The following CELF2 variants were observed in gnomAD, a reference collection of about 807,000 sequenced individuals.
The protein encoded by CELF2 is CUG triplet repeat RNA-binding protein 2.
CELF2 carries 8 observed loss-of-function variants against 62.6 expected under a neutral mutation model. That is an observed-to-expected ratio of 0.13 (90% CI 0.07 to 0.23). The LOEUF is 0.23. Among genes scored for constraint, CELF2 ranks in the 10% least tolerant of loss-of-function variants. The pLI is 1.00. For missense variants in CELF2, 333 were observed against 671.0 expected, an observed-to-expected ratio of 0.50 and a Z score of 5.56; for synonymous variants, 258 against 250.0, an observed-to-expected ratio of 1.03 and a Z score of -0.30.
upstream of CELF2, among the ~76,000 whole-genome samples, chr10:11,000,473 A>C (rs1249547202): frequency 6.6e-6 from 1 of 152,166 alleles, no homozygotes; most frequent in African/African-American, 2.4e-5. Flanking sequence ...GGGCTTTACA[A>C]TTAGTCTTGC....
chr10:10,902,981 G>A (rs1029930914), intron 1 of CELF2, among the ~76,000 whole-genome samples: 8 of 151,686 alleles, frequency 5.3e-5, no homozygotes, highest in Non-Finnish European at 1.2e-4. Flanking sequence ...AAGAAGGGAG[G>A]AAGAAAGGAG....
chr10:11,322,014 G>A (rs2095468293), intron 11 of CELF2, among the ~76,000 whole-genome samples: 4 of 152,156 alleles, frequency 2.6e-5, no homozygotes, highest in Admixed American at 2.6e-4. Flanking sequence ...CTACTTCATA[G>A]CTGCTGACTG....
At chr10:11,047,050 G>T (rs1271250469) in intron 1 of CELF2, among the ~76,000 whole-genome samples, 1 of 152,046 alleles carries the variant, frequency 6.6e-6, no homozygotes, top group Admixed American at 6.6e-5. Flanking sequence ...GGGCGGGGGA[G>T]GTTGTTTTGC....
the CELF2 span, among the ~76,000 whole-genome samples, chr10:10,677,878 T>G: frequency 6.6e-6 from 1 of 152,166 alleles, no homozygotes; most frequent in Non-Finnish European, 1.5e-5. Flanking sequence ...GCCTGATTAT[T>G]TAGGACTATA....
At chr10:11,202,670 G>T (rs2059471894) in intron 2 of CELF2, among the ~76,000 whole-genome samples, 1 of 152,190 alleles carries the variant, frequency 6.6e-6, no homozygotes. Flanking sequence ...GTTTGGGGTA[G>T]CCACTGTTTA....
chr10:10,507,888 T>C, the CELF2 span, among the ~76,000 whole-genome samples: 1 of 152,170 alleles, frequency 6.6e-6, no homozygotes. Context: ...ATTTAGTCAT[T>C]GGAAAGAGTC....
chr10:11,270,901 G>A lies in CELF2; in HGVS notation c.777+77G>A, dbSNP rs1002098486. 8.0e-7 allele frequency: 1 copy of A among 1,246,412 alleles called. No individual in the cohort carries two copies. The allele number at this position is 1,246,412 out of a possible 1,614,324, so 77.2% of individuals were successfully genotyped here. A position where few individuals can be genotyped will look rare whatever the true frequency, so the allele number is the denominator to read the frequency against. On this transcript the variant is annotated intron_variant, in intron 7 of 12. Transcript: ENST00000633077. This position sits in a 1 kb window ranked among gnomAD's most constrained non-coding sequence, Gnocchi z 5.8. ...CTGACTTTTCCCCTCCCTACGCTGA[G>A]GCATTTGTTTTCAGTACATTTTCAA...
chr10:11,013,470 A>G (rs1593130717), upstream of CELF2, among the ~76,000 whole-genome samples: 1 of 152,150 alleles, frequency 6.6e-6, no homozygotes, highest in Admixed American at 6.5e-5. This position sits in a 1 kb window ranked among gnomAD's most constrained non-coding sequence, Gnocchi z 4.1. Flanking sequence ...GTGAGAAGGT[A>G]TGTATCCAAG....
In CELF2 at chr10:10,956,243, G is replaced by A. The variant is rs1338080246; in HGVS notation, c.89+36244G>A. On this transcript the variant is annotated intron_variant, in intron 2 of 13. Coordinates refer to the CELF2 transcript ENST00000636488. Reference sequence around the variant, plus strand: ...AAACTACCCTTAATAAGAAGTGAAAGAAAGAAGAATGGAAGCTTATGGTAT... The same window carrying A: ...AAACTACCCTTAATAAGAAGTGAAAAAAAGAAGAATGGAAGCTTATGGTAT... Among the ~76,000 whole-genome samples the A allele has an allele frequency of 7.9e-5, 12 of 152,274 alleles. 1 individual carries two copies. In the South Asian group the frequency reaches 1.2e-3, roughly 16 times the overall value.
At chr10:10,949,627 AC>A (rs1424310454) in intron 2 of CELF2, among the ~76,000 whole-genome samples, 1 of 151,516 alleles carries the variant, frequency 6.6e-6, no homozygotes, top group East Asian at 1.9e-4. Flanking sequence ...CCCCATCTCT[AC>A]TAAAAATACC....
At chr10:11,106,677 A>C (rs551308251) in intron 1 of CELF2, among the ~76,000 whole-genome samples, 1 of 152,382 alleles carries the variant, frequency 6.6e-6, no homozygotes, top group South Asian at 2.1e-4. Context: ...AGCAAGGATG[A>C]AAAATTAACA....
At chr10:10,467,089 T>A in the CELF2 span, among the ~76,000 whole-genome samples, 1 of 152,038 alleles carries the variant, frequency 6.6e-6, no homozygotes, top group South Asian at 2.1e-4. Flanking sequence ...TACCACAATA[T>A]ACCAATATAC....
chr10:11,069,551 T>A (rs780897736), intron 1 of CELF2, among the ~76,000 whole-genome samples: 3 of 152,222 alleles, frequency 2.0e-5, no homozygotes, highest in Non-Finnish European at 4.4e-5. Flanking sequence ...GAGCATTCTG[T>A]TTTTGCTAGA....
the CELF2 span, among the ~76,000 whole-genome samples, chr10:10,645,189 G>T: frequency 2.0e-5 from 3 of 152,114 alleles, no homozygotes; most frequent in Non-Finnish European, 2.9e-5. Flanking sequence ...CCCTTGTTGA[G>T]TTCTGTGGAA....
At chr10:10,965,722 A>G (rs533594303) in intron 2 of CELF2, among the ~76,000 whole-genome samples, 2 of 152,358 alleles carry the variant, frequency 1.3e-5, no homozygotes, top group African/African-American at 4.8e-5. Context: ...AAGGAACTCA[A>G]TGCTAAACCC....
rs1248212893 is a variant in CELF2 at position 11,331,341 on chromosome 10, G to A, written c.*2288G>A. The A allele has an allele frequency of 6.8e-6, 1 of 147,850 alleles. No homozygotes were observed. The highest frequency in any genetic ancestry group is 1.5e-5 in the Non-Finnish European group (1 of 66,890). The allele number at this position is 147,850 out of a possible 1,614,324, so 9.2% of individuals were successfully genotyped here. On this transcript the variant is annotated 3_prime_UTR_variant, in exon 13 of 13. Transcript: ENST00000633077. ...TGTTTGCTTAAAAAAAATTTCATGT[G>A]AGGGAAAAAAAAAAAACCTATTCCA...
At chr10:10,747,729 C>T in the CELF2 span, among the ~76,000 whole-genome samples, 13 of 152,238 alleles carry the variant, frequency 8.5e-5, no homozygotes, top group Admixed American at 3.9e-4. Context: ...TATTTTGAGA[C>T]GAAGTCTTGC....
At chr10:11,006,266 C>G (rs899745720) in intron 1 of CELF2, among the ~76,000 whole-genome samples, 1 of 152,140 alleles carries the variant, frequency 6.6e-6, no homozygotes, top group Non-Finnish European at 1.5e-5. Flanking sequence ...TTTTCAACAC[C>G]CTTTTTTATC....
At chr10:10,790,810 T>C in the CELF2 span, among the ~76,000 whole-genome samples, 2 of 152,184 alleles carry the variant, frequency 1.3e-5, no homozygotes, top group African/African-American at 4.8e-5. Flanking sequence ...ATGATCCGTA[T>C]GATTCTAAAG....
Sources: allele counts gnomAD v4.1 joint callset (sites outside exome capture counted in the v4.1 genomes callset), GRCh38; gene constraint gnomAD v4.1.1; non-coding constraint Gnocchi (gnomAD v3.1); transcripts MANE v1.5; gene names NCBI Gene and HGNC (gene_info 2026-07-23, HGNC 2026-07-21).